FMN2: variants seen among roughly 807,000 people sequenced by gnomAD.
FMN2 encodes the protein formin-2.
A neutral mutation model predicts 142.3 loss-of-function variants in FMN2; 51 were observed. The ratio of observed to expected loss-of-function variants is 0.36; its 90% confidence interval spans 0.29 to 0.45. The LOEUF is 0.45. Ranked by LOEUF, FMN2 falls within the 20% of genes least tolerant of loss-of-function variation. The probability of loss-of-function intolerance (pLI) is 1.00; values close to 1 mark genes in which losing one functional copy is unlikely to be tolerated. For synonymous variants in FMN2, 882 were observed against 869.8 expected, an observed-to-expected ratio of 1.01 and a Z score of -0.25; for missense variants, 1,936 against 2,122.8, an observed-to-expected ratio of 0.91 and a Z score of 1.73.
At chr1:240,389,115 A>C (rs1673518377) in intron 14 of FMN2, among the ~76,000 whole-genome samples, 1 of 152,208 alleles carries the variant, frequency 6.6e-6, no homozygotes, top group Non-Finnish European at 1.5e-5. Context: ...CTTGTAGTAG[A>C]AAATTGAAAT....
intron 15 of FMN2, among the ~76,000 whole-genome samples, chr1:240,434,572 G>GT (rs1675293998): frequency 1.5e-5 from 2 of 135,568 alleles, no homozygotes; most frequent in South Asian, 2.4e-4. Context: ...TTTGTTTTTT[G>GT]TTTTTTTGAG....
At chr1:240,460,052 A>G (rs961498745) in intron 16 of FMN2, among the ~76,000 whole-genome samples, 2 of 152,200 alleles carry the variant, frequency 1.3e-5, no homozygotes, top group African/African-American at 4.8e-5. Flanking sequence ...CCTAGAAATT[A>G]GAGTCAGGAG....
Position 240,092,981 on chromosome 1 carries a change from A to G in FMN2, c.872A>G (p.Gln291Arg), listed in dbSNP as rs1358514593. 1.4e-6 allele frequency: 2 copies of G among 1,406,738 alleles called. No individual in the cohort carries two copies. Among genetic ancestry groups the G allele is most frequent in the South Asian group, 1.6e-5 (1 of 64,392 alleles). The allele number at this position is 1,406,738 out of a possible 1,614,324, so 87.1% of individuals were successfully genotyped here. Reference sequence around the variant, plus strand: ...CTGGCCGCCGAGCCCCGGGAGCCCCAGCAACCGCCGTCCCCCGGCGGCCTC... The same window carrying G: ...CTGGCCGCCGAGCCCCGGGAGCCCCGGCAACCGCCGTCCCCCGGCGGCCTC... Reference protein sequence around the residue: ...ESLAAEPREPQQPPSPGGLPV... With the variant: ...ESLAAEPREPRQPPSPGGLPV... Residue 291 changes from glutamine (Q) to arginine (R), a missense_variant, in exon 1 of 18, where the codon CAG becomes CGG. Transcript: ENST00000319653.
intron 8 of FMN2, among the ~76,000 whole-genome samples, chr1:240,318,869 G>C (rs1670876636): frequency 6.6e-6 from 1 of 152,144 alleles, no homozygotes; most frequent in Non-Finnish European, 1.5e-5. Context: ...AATATGAGTA[G>C]ATGTTTAGGA....
At chr1:240,173,615 G>T (rs1664797798) in intron 2 of FMN2, among the ~76,000 whole-genome samples, 2 of 152,164 alleles carry the variant, frequency 1.3e-5, no homozygotes, top group South Asian at 4.1e-4. Flanking sequence ...AAGGAAGATG[G>T]TGGGAATATA....
At chr1:240,279,700 T>C (rs1669333406) in intron 7 of FMN2, among the ~76,000 whole-genome samples, 1 of 152,194 alleles carries the variant, frequency 6.6e-6, no homozygotes, top group African/African-American at 2.4e-5. Context: ...TAAATCCTAA[T>C]ATTTGAAACA....
intron 16 of FMN2, among the ~76,000 whole-genome samples, chr1:240,465,185 A>G (rs1572342588): frequency 6.6e-6 from 1 of 152,144 alleles, no homozygotes; most frequent in East Asian, 1.9e-4. Flanking sequence ...AGATCACCTT[A>G]ATTCCACAAG....
At chr1:240,413,339 T>C (rs1054597092) in intron 15 of FMN2, among the ~76,000 whole-genome samples, 1 of 151,472 alleles carries the variant, frequency 6.6e-6, no homozygotes, top group Admixed American at 6.6e-5. Context: ...GAAGGAGTTA[T>C]ATACTTATCG....
chr1:240,443,734 CAG>C (rs1238252274), intron 16 of FMN2, among the ~76,000 whole-genome samples: 2 of 151,784 alleles, frequency 1.3e-5, no homozygotes, highest in Non-Finnish European at 2.9e-5. Context: ...GCCTGGGTGA[CAG>C]AGCAAGACTC....
chr1:240,293,227 A>G (rs1457417195), intron 7 of FMN2, among the ~76,000 whole-genome samples: 1 of 152,140 alleles, frequency 6.6e-6, no homozygotes, highest in Non-Finnish European at 1.5e-5. Flanking sequence ...TCAAAGGACA[A>G]CTGTGTACTT....
intron 2 of FMN2, among the ~76,000 whole-genome samples, chr1:240,157,453 G>T (rs1462952717): frequency 6.6e-6 from 1 of 152,168 alleles, no homozygotes; most frequent in Non-Finnish European, 1.5e-5. Context: ...TGTACTGAAA[G>T]ATTTTGTTTT....
At chr1:240,386,695 G>A (rs955820778) in intron 14 of FMN2, among the ~76,000 whole-genome samples, 11 of 152,062 alleles carry the variant, frequency 7.2e-5, no homozygotes, top group African/African-American at 2.7e-4. Flanking sequence ...ATGTGGAGTC[G>A]GATATATTAG....
At chr1:240,443,613 C>T (rs544947590) in intron 16 of FMN2, among the ~76,000 whole-genome samples, 7 of 151,996 alleles carry the variant, frequency 4.6e-5, no homozygotes, top group Non-Finnish European at 1.0e-4. Context: ...ATTAGCCAGG[C>T]GTGTTGGTGC....
rs543757506 is a variant in FMN2 at position 240,339,147 on chromosome 1, G to A, written c.4765+4918G>A. 2.9e-4 allele frequency among the ~76,000 whole-genome samples: 44 copies of A among 152,176 alleles called. 3 individuals are homozygous for A. Among genetic ancestry groups the A allele is most frequent in the South Asian group, 2.3e-3 (11 of 4,826 alleles). ...CCACTCACCTCCTGCTGGGTGTCCC[G>A]GCTCCTAACAGGCCGCAGACCAGCA... On this transcript the variant is annotated intron_variant, in intron 13 of 17. Coordinates refer to ENST00000319653, the MANE Select transcript of FMN2 (RefSeq NM_020066.5).
chr1:240,227,933 A>G (rs752642335), intron 6 of FMN2, among the ~76,000 whole-genome samples: 6 of 152,184 alleles, frequency 3.9e-5, no homozygotes, highest in Non-Finnish European at 7.3e-5. Flanking sequence ...CACAAATCTG[A>G]TAAGTGGTTA....
intron 2 of FMN2, among the ~76,000 whole-genome samples, chr1:240,130,558 C>A (rs1188020387): frequency 6.6e-6 from 1 of 152,210 alleles, no homozygotes; most frequent in African/African-American, 2.4e-5. Flanking sequence ...CCTGCCTCAG[C>A]CTTCCAAAAT....
chr1:240,452,156 A>T (rs1035378790), intron 16 of FMN2, among the ~76,000 whole-genome samples: 1 of 151,998 alleles, frequency 6.6e-6, no homozygotes, highest in Non-Finnish European at 1.5e-5. Context: ...ACACCACCGC[A>T]CTCCAGCCTG....
Position 240,208,553 on chromosome 1 carries a change from A to G in FMN2, c.3741A>G (p.Pro1247=), listed in dbSNP as rs759473335. 1.9e-6 allele frequency: 3 copies of G among 1,612,650 alleles called. No homozygotes were observed. The highest frequency in any genetic ancestry group is 2.5e-6 in the Non-Finnish European group (3 of 1,179,708). The part of the protein sequence containing the change: ...LLPVSGPPLL[P]QVGSSTLPTP... ...CTGTATCAGGCCCTCCACTCCTCCCACAAGTTGGGAGTAGCACTTTACCAA... is the reference window on the plus strand; with the variant it reads ...CTGTATCAGGCCCTCCACTCCTCCCGCAAGTTGGGAGTAGCACTTTACCAA... The change falls in exon 5 of 18, where the codon CCA becomes CCG. Residue 1247 remains proline (P), a synonymous_variant. Transcript: ENST00000319653.
At chr1:240,340,954 A>G (rs1558442397) in intron 13 of FMN2, among the ~76,000 whole-genome samples, 1 of 151,364 alleles carries the variant, frequency 6.6e-6, no homozygotes, top group Non-Finnish European at 1.5e-5. Context: ...TTTTCCTGAA[A>G]CTCCTTTTAG....
Sources: gnomAD v4.1 joint callset for allele counts (sites outside exome capture counted in the v4.1 genomes callset) on GRCh38, gnomAD v4.1.1 for gene constraint, MANE v1.5 for transcripts, NCBI Gene and HGNC (gene_info 2026-07-23, HGNC 2026-07-21) for gene names.